JPH2: variants seen among roughly 807,000 people sequenced by gnomAD.
JPH2 encodes junctophilin-2.
A neutral mutation model predicts 55.9 loss-of-function variants in JPH2; 38 were observed. The ratio of observed to expected loss-of-function variants is 0.68; its 90% CI spans 0.52 to 0.89. JPH2 has a LOEUF of 0.89. Ranked by LOEUF, JPH2 falls within the 40% of genes least tolerant of loss-of-function variation. The pLI, the probability that JPH2 is intolerant of heterozygous loss-of-function variation, is 0.00. For synonymous variants in JPH2, 480 were observed against 472.4 expected (o/e 1.02, Z -0.21); for missense variants, 964 against 1,037.6 (o/e 0.93, Z 0.97).
rs148936392 is a variant in JPH2, at chr20:44,163,198, A to G, written c.380-2791T>C. Among the ~76,000 whole-genome samples, 600 of 152,240 alleles carry G rather than the reference A, an allele frequency of 3.9e-3. 6 individuals carry two copies. Among genetic ancestry groups the G allele is most frequent in the African/African-American group, 0.014 (573 of 41,534 alleles). The stretch of plus-strand genomic sequence containing the variant: ...CAGAACCTGGAACAGTGCCTGGTAC[A>G]CAGAGGTGCTCCGTTAATATCTGCA... On this transcript the variant is annotated intron_variant, in intron 1 of 5. Transcript: ENST00000372980.
At chr20:44,137,902 G>A (rs143546728) in intron 2 of JPH2, among the ~76,000 whole-genome samples, 1 of 152,242 alleles carries the variant, frequency 6.6e-6, no homozygotes, top group East Asian at 1.9e-4. Flanking sequence ...TCTGAAGGAT[G>A]GGATGCTTTC....
intron 1 of JPH2, among the ~76,000 whole-genome samples, chr20:44,165,939 A>G (rs536381832): frequency 3.9e-5 from 6 of 152,190 alleles, no homozygotes; most frequent in African/African-American, 1.2e-4. Context: ...CCTAGAGCAT[A>G]TCTAGTGCAA....
At chr20:44,135,525 G>A (rs1446420422) in intron 2 of JPH2, among the ~76,000 whole-genome samples, 1 of 152,154 alleles carries the variant, frequency 6.6e-6, no homozygotes, top group African/African-American at 2.4e-5. Context: ...CTGACTGCCA[G>A]CTCTCTACCG....
In JPH2 at chr20:44,110,227, C is replaced by T. The variant is rs188110007; in HGVS notation, c.*3291G>A. Among the ~76,000 whole-genome samples, 1 of 150,820 alleles carries T rather than the reference C, an allele frequency of 6.6e-6. No individual in the cohort carries two copies. Among genetic ancestry groups the T allele is most frequent in the Non-Finnish European group, 1.5e-5 (1 of 67,574 alleles). On this transcript the variant is annotated 3_prime_UTR_variant, in exon 6 of 6. Coordinates refer to ENST00000372980, the MANE Select transcript of JPH2 (RefSeq NM_020433.5). ...CCAACTCATCCAACACACACACATA[C>T]ACACACACACACAGACACACCCCAT...
chr20:44,149,844 G>A (rs551641652), intron 2 of JPH2, among the ~76,000 whole-genome samples: 39 of 152,004 alleles, frequency 2.6e-4, no homozygotes, highest in South Asian at 4.2e-4. Flanking sequence ...TAGGAGTGGC[G>A]GCGCATGCCT....
intron 2 of JPH2, among the ~76,000 whole-genome samples, chr20:44,155,003 G>C (rs532706168): frequency 1.3e-5 from 2 of 152,058 alleles, no homozygotes; most frequent in East Asian, 1.9e-4. Flanking sequence ...CAGCCTTCTC[G>C]GTGGGAGCTC....
At chr20:44,147,729 A>G (rs1006116395) in intron 2 of JPH2, among the ~76,000 whole-genome samples, 5 of 152,216 alleles carry the variant, frequency 3.3e-5, no homozygotes, top group Non-Finnish European at 7.3e-5. Context: ...GTTTAGAACA[A>G]TGTAAGAAAA....
intron 1 of JPH2, among the ~76,000 whole-genome samples, chr20:44,162,785 T>TATACAC (rs1178253149): frequency 2.0e-4 from 10 of 49,982 alleles, no homozygotes; most frequent in African/African-American, 9.9e-4. Context: ...TATATATATA[T>TATACAC]ATACACACAC....
chr20:44,182,857 C>T (rs2072797100), intron 1 of JPH2, among the ~76,000 whole-genome samples: 1 of 152,192 alleles, frequency 6.6e-6, no homozygotes, highest in Admixed American at 6.5e-5. Flanking sequence ...TAAAGCAGTT[C>T]CTGGAACAGA....
chr20:44,177,118 T>G, intron 1 of JPH2: 1 of 985,282 alleles, frequency 1.0e-6, no homozygotes, highest in South Asian at 4.7e-5. Context: ...AAGCAGGGAG[T>G]GAAAGTTACA....
intron 2 of JPH2, among the ~76,000 whole-genome samples, chr20:44,144,875 C>T (rs2072482525): frequency 1.3e-5 from 2 of 152,208 alleles, no homozygotes; most frequent in African/African-American, 4.8e-5. Context: ...CCTGTCCATG[C>T]CAGGCACTGC....
intron 1 of JPH2, among the ~76,000 whole-genome samples, chr20:44,163,011 C>A (rs1341952011): frequency 6.6e-6 from 1 of 151,802 alleles, no homozygotes; most frequent in African/African-American, 2.4e-5. Context: ...GCACCCCCAC[C>A]ACCCTGCTCA....
intron 1 of JPH2, among the ~76,000 whole-genome samples, chr20:44,167,497 G>A (rs1250197574): frequency 6.6e-6 from 1 of 152,174 alleles, no homozygotes; most frequent in Non-Finnish European, 1.5e-5. Context: ...GCTGCCAAGG[G>A]TGTTCAGGTC....
Position 44,107,587 on chromosome 20 carries a change from G to A in JPH2, c.*5931C>T, listed in dbSNP as rs940278528. ...CCCTAGGATATGTAGAACCACAGAT[G>A]GAAAAAACCTGGGTCCCTGAATCAT... On this transcript the variant is annotated 3_prime_UTR_variant, in exon 6 of 6. Coordinates refer to ENST00000372980, the MANE Select transcript of JPH2 (RefSeq NM_020433.5). Among the ~76,000 whole-genome samples, 1 of 152,104 alleles carries A rather than the reference G, an allele frequency of 6.6e-6. No individual in the cohort carries two copies. The highest frequency in any genetic ancestry group is 2.4e-5 in the African/African-American group (1 of 41,406).
chr20:44,132,020 G>A (rs1227809813), intron 2 of JPH2, among the ~76,000 whole-genome samples: 14 of 152,086 alleles, frequency 9.2e-5, no homozygotes, highest in South Asian at 2.1e-4. Flanking sequence ...TGAGCTACAC[G>A]GTATTTACTG....
intron 2 of JPH2, among the ~76,000 whole-genome samples, chr20:44,154,267 CAATTA>C (rs946212788): frequency 1.3e-5 from 2 of 152,072 alleles, no homozygotes; most frequent in Non-Finnish European, 2.9e-5. Context: ...AGAAACAGTG[CAATTA>C]ATTTTAATAA....
intron 1 of JPH2, among the ~76,000 whole-genome samples, chr20:44,185,625 A>G: frequency 7.0e-6 from 1 of 142,018 alleles, no homozygotes. Context: ...ACAGAACGAG[A>G]ACTTGTCTTG....
intron 2 of JPH2, among the ~76,000 whole-genome samples, chr20:44,136,426 C>T (rs1025338125): frequency 2.1e-5 from 3 of 146,166 alleles, no homozygotes; most frequent in African/African-American, 7.7e-5. Context: ...TGCTGAATCC[C>T]CTGGGACTCA....
intron 2 of JPH2, among the ~76,000 whole-genome samples, chr20:44,127,410 T>C (rs1600835947): frequency 6.6e-6 from 1 of 152,188 alleles, no homozygotes; most frequent in African/African-American, 2.4e-5. Context: ...TGTACCATAT[T>C]ATCATATTAT....
Sources: gnomAD v4.1 joint callset for allele counts (sites outside exome capture counted in the v4.1 genomes callset) on GRCh38, gnomAD v4.1.1 for gene constraint, MANE v1.5 for transcripts, NCBI Gene and HGNC (gene_info 2026-07-23, HGNC 2026-07-21) for gene names.